Variants in FBXL17 observed in about 807,000 individuals in gnomAD.
FBXL17 encodes F-box and leucine rich repeat protein 17, also known as F-box/LRR-repeat protein 17.
Under a neutral mutation model 66.2 loss-of-function variants are expected in FBXL17, and 22 were observed. The observed-to-expected ratio is 0.33, with a 90% CI of 0.24 to 0.47. FBXL17 has a LOEUF of 0.47. Ranked by LOEUF, FBXL17 falls within the 20% of genes least tolerant of loss-of-function variation. FBXL17 has a pLI of 1.00. For missense variants in FBXL17, 878 were observed against 948.2 expected (o/e 0.93, Z 0.97); for synonymous variants, 474 against 400.5 (o/e 1.18, Z -2.19).
chr5:108,328,902 T>C (rs2150233180), intron 4 of FBXL17, among the ~76,000 whole-genome samples: 1 of 152,200 alleles, frequency 6.6e-6, no homozygotes, highest in South Asian at 2.1e-4. Context: ...CCTGACTTAA[T>C]CCTAAAGTAA....
chr5:108,132,073 T>G (rs1341586370), intron 6 of FBXL17, among the ~76,000 whole-genome samples: 3 of 151,722 alleles, frequency 2.0e-5, no homozygotes, highest in Non-Finnish European at 4.4e-5. Context: ...GCCTCCCAGG[T>G]TCAAGCGATT....
chr5:107,957,508 C>A (rs1751710641), intron 7 of FBXL17, among the ~76,000 whole-genome samples: 1 of 152,134 alleles, frequency 6.6e-6, no homozygotes, highest in East Asian at 1.9e-4. Flanking sequence ...GGACTACACT[C>A]AAAAATGATG....
At chr5:108,159,117 C>T (rs1375835300) in intron 6 of FBXL17, among the ~76,000 whole-genome samples, 8 of 151,984 alleles carry the variant, frequency 5.3e-5, no homozygotes, top group Admixed American at 5.2e-4. Context: ...ATCAGAATGT[C>T]CTTGACCTTA....
rs1748349340 is a variant in FBXL17, at chr5:107,868,529, G to A, written c.1966-6669C>T. Among the ~76,000 whole-genome samples, 3 of 152,238 alleles carry A rather than the reference G, an allele frequency of 2.0e-5. No homozygotes were observed. The South Asian group carries it at 6.2e-4, about 32-fold the overall frequency. ...GGATAGGCCATCCGTGACTACGCCA[G>A]AAAGGGGCACTGCTTCCTTTCCCGT... is the stretch of plus-strand genomic sequence containing the variant. On this transcript the variant is annotated intron_variant, in intron 8 of 8. Coordinates refer to ENST00000542267, the MANE Select transcript of FBXL17 (RefSeq NM_001163315.3).
chr5:107,863,713 A>G (rs993907841), intron 8 of FBXL17, among the ~76,000 whole-genome samples: 2 of 152,224 alleles, frequency 1.3e-5, no homozygotes, highest in Admixed American at 1.3e-4. Flanking sequence ...AATACAAACT[A>G]CAAATAAAAA....
At chr5:108,154,323 G>A (rs1165563485) in intron 6 of FBXL17, among the ~76,000 whole-genome samples, 1 of 149,906 alleles carries the variant, frequency 6.7e-6, no homozygotes, top group Admixed American at 6.6e-5. Context: ...GCCAGGCATG[G>A]TGGCTCACGC....
At chr5:107,897,443 G>A (rs950556324) in intron 7 of FBXL17, among the ~76,000 whole-genome samples, 4 of 152,038 alleles carry the variant, frequency 2.6e-5, no homozygotes, top group Non-Finnish European at 5.9e-5. Flanking sequence ...AGAAAGCCTG[G>A]ATAATGACAA....
At chr5:107,934,830 A>G (rs1750846324) in intron 7 of FBXL17, among the ~76,000 whole-genome samples, 1 of 152,170 alleles carries the variant, frequency 6.6e-6, no homozygotes. Flanking sequence ...TACTGCCCTA[A>G]TGACACAAAC....
chr5:108,274,885 A>C (rs917991165), intron 4 of FBXL17, among the ~76,000 whole-genome samples: 7 of 152,200 alleles, frequency 4.6e-5, no homozygotes, highest in Admixed American at 3.3e-4. Context: ...CAATATTTAA[A>C]AACAGAACCC....
chr5:107,953,637 T>C lies in FBXL17; in HGVS notation c.1822+67288A>G, dbSNP rs182142971. Among the ~76,000 whole-genome samples, 546 of 152,276 alleles carry C rather than the reference T, an allele frequency of 3.6e-3. 14 individuals carry two copies. Among genetic ancestry groups the C allele is most frequent in the Non-Finnish European group, 6.3e-4 (43 of 68,018 alleles). On this transcript the variant is annotated intron_variant, in intron 7 of 8. Transcript: ENST00000542267. ...CTTCAAATGTCCAAAAGCAAAGTCT[T>C]CACCTTCTCTTGCAAGCCAGTTCCC...
At chr5:108,360,670 C>T (rs1485363784) in intron 3 of FBXL17, among the ~76,000 whole-genome samples, 1 of 152,060 alleles carries the variant, frequency 6.6e-6, no homozygotes, top group Non-Finnish European at 1.5e-5. Flanking sequence ...TGCAAATATT[C>T]TTCCTGCCCC....
intron 7 of FBXL17, among the ~76,000 whole-genome samples, chr5:107,890,972 A>T (rs902106049): frequency 6.6e-6 from 1 of 152,194 alleles, no homozygotes; most frequent in Non-Finnish European, 1.5e-5. Flanking sequence ...GGTCTTGTGG[A>T]GCTTGTATTC....
intron 7 of FBXL17, among the ~76,000 whole-genome samples, chr5:108,012,094 C>T (rs1212156310): frequency 1.3e-5 from 2 of 152,150 alleles, no homozygotes; most frequent in Non-Finnish European, 2.9e-5. Context: ...GAGAAGTCAT[C>T]TGCAATGGGG....
intron 6 of FBXL17, among the ~76,000 whole-genome samples, chr5:108,120,524 T>C (rs1277733654): frequency 2.0e-5 from 3 of 152,194 alleles, no homozygotes; most frequent in Non-Finnish European, 2.9e-5. Flanking sequence ...TATGAGTTTA[T>C]AGTTTGATCT....
intron 7 of FBXL17, among the ~76,000 whole-genome samples, chr5:107,946,265 A>ATATT (rs1751280077): frequency 3.0e-5 from 1 of 33,650 alleles, no homozygotes; most frequent in Non-Finnish European, 5.7e-5. Context: ...TTATATATAT[A>ATATT]TATATATATA....
chr5:107,878,875 T>C, intron 8 of FBXL17: 1 of 985,496 alleles, frequency 1.0e-6, no homozygotes, highest in Non-Finnish European at 1.2e-6. Context: ...TGGGCTGCAC[T>C]GCAGCAGGCT....
At chr5:107,957,336 T>C (rs1751702730) in intron 7 of FBXL17, among the ~76,000 whole-genome samples, 1 of 151,940 alleles carries the variant, frequency 6.6e-6, no homozygotes, top group Non-Finnish European at 1.5e-5. Flanking sequence ...AACATGCTAA[T>C]AAACAGTTCT....
chr5:107,889,736 G>C (rs564056220), intron 7 of FBXL17, among the ~76,000 whole-genome samples: 9 of 152,164 alleles, frequency 5.9e-5, no homozygotes, highest in African/African-American at 2.2e-4. Flanking sequence ...TTCAAGTGAA[G>C]AATTTTTTAA....
chr5:107,889,008 GTC>G lies in FBXL17; in HGVS notation c.1823-7831_1823-7830del, dbSNP rs538636900. ...TTGCATTCTTGGTACTTGGTAATGT[GTC>G]TCTCTTGGATTACAGCTGTTCTAGT... On this transcript the variant is annotated intron_variant, in intron 7 of 8. Transcript: ENST00000542267. Among the ~76,000 whole-genome samples the G allele has an allele frequency of 3.8e-3, 582 of 152,036 alleles. 2 individuals carry two copies. The highest frequency in any genetic ancestry group is 5.2e-3 in the South Asian group (25 of 4,804).
Sources: gnomAD v4.1 joint callset for allele counts (sites outside exome capture counted in the v4.1 genomes callset) on GRCh38, gnomAD v4.1.1 for gene constraint, MANE v1.5 for transcripts, NCBI Gene and HGNC (gene_info 2026-07-23, HGNC 2026-07-21) for gene names.